The following USP6NL variants were observed in gnomAD, a reference collection of about 807,000 sequenced individuals.
USP6NL encodes USP6 N-terminal like.
Under a neutral mutation model 61.9 loss-of-function variants are expected in USP6NL, and 26 were observed. The ratio of observed to expected loss-of-function variants is 0.42; its 90% CI spans 0.31 to 0.58. The LOEUF (loss-of-function observed/expected upper bound fraction) is 0.58. USP6NL is among the 20% of genes least tolerant of loss of function. The probability of loss-of-function intolerance (pLI) is 0.16; values close to 1 mark genes in which losing one functional copy is unlikely to be tolerated. For missense variants in USP6NL, 1,114 were observed against 1,034.3 expected, an observed-to-expected ratio of 1.08 and a Z score of -1.06; for synonymous variants, 432 against 390.1, an observed-to-expected ratio of 1.11 and a Z score of -1.27.
Position 11,483,658 on chromosome 10 carries a change from G to C in USP6NL, c.925+1313C>G, listed in dbSNP as rs1258545886. Reference sequence around the variant, plus strand: ...GAGAGGGGGAGGGGGAGAGGGGGGAGAGGGGTAGGGAGGGAGGGAGAGAGG... The same window carrying C: ...GAGAGGGGGAGGGGGAGAGGGGGGACAGGGGTAGGGAGGGAGGGAGAGAGG... On this transcript the variant is annotated intron_variant, in intron 13 of 14. Transcript: ENST00000609104. Among the ~76,000 whole-genome samples, 3 of 66,816 alleles carry C rather than the reference G, an allele frequency of 4.5e-5. No homozygotes were observed. The East Asian group carries it at 3.1e-3, about 68-fold the overall frequency. 43.8% of individuals were successfully genotyped at this position (66,816 alleles called of 152,430 possible).
At position 11,470,288 on chromosome 10, in the gene USP6NL, C is replaced by CGCTG. The variant is rs775768115; in HGVS notation, c.1079-6443_1079-6440dup. 2.3e-4 allele frequency among the ~76,000 whole-genome samples: 35 copies of CGCTG among 152,138 alleles called. No individual in the cohort carries two copies. The highest frequency in any genetic ancestry group is 4.7e-4 in the Non-Finnish European group (32 of 68,014). ...ACCTCATGGAGGGCCCGCGGGGACT[C>CGCTG]GCTGGCTTTTCACAGCCTCTGTAGG... On this transcript the variant is annotated intron_variant, in intron 14 of 14. Coordinates refer to ENST00000609104, the MANE Select transcript of USP6NL (RefSeq NM_014688.5). This position sits in a 1 kb window ranked among gnomAD's most constrained non-coding sequence, Gnocchi z 5.4.
At chr10:11,493,659 C>T (rs1054351597) in intron 7 of USP6NL, among the ~76,000 whole-genome samples, 2 of 152,224 alleles carry the variant, frequency 1.3e-5, no homozygotes, top group African/African-American at 4.8e-5. Flanking sequence ...CCACCTAATT[C>T]AATCCTAAGC....
intron 1 of USP6NL, among the ~76,000 whole-genome samples, chr10:11,607,201 C>A (rs780621904): frequency 6.6e-6 from 1 of 152,156 alleles, no homozygotes; most frequent in Admixed American, 6.5e-5. Context: ...TACATATATA[C>A]CTAACTTTTA....
At position 11,490,916 on chromosome 10, in the gene USP6NL, A is replaced by T. The variant is rs1833688150; in HGVS notation, c.495-36T>A. The T allele has an allele frequency of 6.7e-7, 1 of 1,486,734 alleles. No homozygotes were observed. The highest frequency in any genetic ancestry group is 2.5e-5 in the East Asian group (1 of 40,348). The allele number at this position is 1,486,734 out of a possible 1,614,324, so 92.1% of individuals were successfully genotyped here. On this transcript the variant is annotated intron_variant, in intron 8 of 14. Transcript: ENST00000609104. This position sits in a 1 kb window ranked among gnomAD's most constrained non-coding sequence, Gnocchi z 4.5. ...AAATTTACATTAAATACAATTTAGT[A>T]ATTTCACATATTTTAAAAATTACAA...
chr10:11,540,711 G>A lies in USP6NL; in HGVS notation c.5-13144C>T, dbSNP rs1486265801. Among the ~76,000 whole-genome samples the A allele has an allele frequency of 6.6e-6, 1 of 152,068 alleles. No individual in the cohort carries two copies. Among genetic ancestry groups the A allele is most frequent in the Admixed American group, 6.6e-5 (1 of 15,266 alleles). ...GGCAGTGGTAACGATCAACCCAATG[G>A]TAACATTTCTACCCTTTAAATAAAA... On this transcript the variant is annotated intron_variant, in intron 2 of 14. Coordinates refer to ENST00000609104, the MANE Select transcript of USP6NL (RefSeq NM_014688.5). This position sits in a 1 kb window ranked among gnomAD's most constrained non-coding sequence, Gnocchi z 5.0.
chr10:11,485,799 A>T lies in USP6NL; in HGVS notation c.759+18T>A. ...GGGGGTGGGTAGGTGGGTGTAAGTC[A>T]GTGGCACATCTACCTACCAAGTGTT... is the stretch of plus-strand genomic sequence containing the variant. On this transcript the variant is annotated intron_variant, in intron 11 of 14. Coordinates refer to ENST00000609104, the MANE Select transcript of USP6NL (RefSeq NM_014688.5). The surrounding 1 kb of genome is among the most constrained non-coding windows in gnomAD (Gnocchi z 4.8). 6.6e-7 allele frequency: 1 copy of T among 1,519,052 alleles called. No homozygotes were observed. Among genetic ancestry groups the T allele is most frequent in the Non-Finnish European group, 8.9e-7 (1 of 1,124,212 alleles). 94.1% of individuals were successfully genotyped at this position (1,519,052 alleles called of 1,614,324 possible).
At position 11,555,789 on chromosome 10, in the gene USP6NL, G is replaced by A. The variant is rs1836687251; in HGVS notation, c.5-28222C>T. The stretch of plus-strand genomic sequence containing the variant: ...CCAAGAAAAAGACAACCTTCAAATG[G>A]GCAGCAATAAGATCAACTGCAAATT... On this transcript the variant is annotated intron_variant, in intron 2 of 14. Coordinates refer to ENST00000609104, the MANE Select transcript of USP6NL (RefSeq NM_014688.5). Among the ~76,000 whole-genome samples, 4 of 151,904 alleles carry A rather than the reference G, an allele frequency of 2.6e-5. No individual in the cohort carries two copies. In the South Asian group the frequency reaches 8.3e-4, roughly 32 times the overall value.
At chr10:11,515,198 T>A (rs1834903701) in intron 5 of USP6NL, among the ~76,000 whole-genome samples, 1 of 152,212 alleles carries the variant, frequency 6.6e-6, no homozygotes, top group Non-Finnish European at 1.5e-5. Context: ...ATTTGTTGAA[T>A]CATCTACATA....
At position 11,513,238 on chromosome 10, in the gene USP6NL, T is replaced by C. The variant is rs564023059; in HGVS notation, c.196-3563A>G. 6.6e-6 allele frequency among the ~76,000 whole-genome samples: 1 copy of C among 152,338 alleles called. No individual in the cohort carries two copies. Among genetic ancestry groups the C allele is most frequent in the South Asian group, 2.1e-4 (1 of 4,830 alleles). On this transcript the variant is annotated intron_variant, in intron 5 of 14. Transcript: ENST00000609104. The surrounding 1 kb of genome is among the most constrained non-coding windows in gnomAD (Gnocchi z 4.7). Reference sequence around the variant, plus strand: ...GGGAAGTAGAATGAATATGAACAGATAGACTGAAACCAGAATGTTATTTCT... The same window carrying C: ...GGGAAGTAGAATGAATATGAACAGACAGACTGAAACCAGAATGTTATTTCT...
chr10:11,551,369 T>C (rs1333892706), intron 2 of USP6NL, among the ~76,000 whole-genome samples: 2 of 152,238 alleles, frequency 1.3e-5, no homozygotes, highest in Non-Finnish European at 2.9e-5. Context: ...ACTTCATTTA[T>C]ATGAAATGCT....
In USP6NL at chr10:11,461,214, A is replaced by G. The variant is rs1289551684; in HGVS notation, c.*1227T>C. 2 of 152,488 alleles carry G rather than the reference A, an allele frequency of 1.3e-5. No homozygotes were observed. The highest frequency in any genetic ancestry group is 2.9e-5 in the Non-Finnish European group (2 of 68,020). 9.4% of individuals were successfully genotyped at this position (152,488 alleles called of 1,614,324 possible). ...TTTGGTATCTGTAGTGTAACAGAAT[A>G]TTTTTTAAAGACATCACTAATTTTT... On this transcript the variant is annotated 3_prime_UTR_variant, in exon 15 of 15. Transcript: ENST00000609104.
rs947022242 is a variant in USP6NL at position 11,511,062 on chromosome 10, T to C, written c.196-1387A>G. 2.0e-5 allele frequency among the ~76,000 whole-genome samples: 3 copies of C among 152,252 alleles called. No individual in the cohort carries two copies. The highest frequency in any genetic ancestry group is 1.3e-4 in the Admixed American group (2 of 15,290). ...CCACCACTATTTTTAGACCTAAAAG[T>C]ACATAAAATTCCAAAGAAAATCCTG... is the stretch of plus-strand genomic sequence containing the variant. On this transcript the variant is annotated intron_variant, in intron 5 of 14. Coordinates refer to ENST00000609104, the MANE Select transcript of USP6NL (RefSeq NM_014688.5). The surrounding 1 kb of genome is among the most constrained non-coding windows in gnomAD (Gnocchi z 4.9).
In USP6NL at chr10:11,561,987, A is replaced by G. The variant is rs1364216022; in HGVS notation, c.5-34420T>C. ...GAATGCCAGATCTTTTTAAGCAAGG[A>G]TGTTCTGAGTAAAAAAAAGAAATTT... is the stretch of plus-strand genomic sequence containing the variant. On this transcript the variant is annotated intron_variant, in intron 2 of 14. Coordinates refer to ENST00000609104, the MANE Select transcript of USP6NL (RefSeq NM_014688.5). This position sits in a 1 kb window ranked among gnomAD's most constrained non-coding sequence, Gnocchi z 4.1. Among the ~76,000 whole-genome samples the G allele has an allele frequency of 6.6e-6, 1 of 152,138 alleles. No individual in the cohort carries two copies. Among genetic ancestry groups the G allele is most frequent in the East Asian group, 1.9e-4 (1 of 5,196 alleles).
intron 4 of USP6NL, among the ~76,000 whole-genome samples, chr10:11,523,838 T>C (rs1450658335): frequency 1.3e-5 from 2 of 152,172 alleles, no homozygotes; most frequent in Non-Finnish European, 2.9e-5. Flanking sequence ...CTTGGGAAGG[T>C]CAAAATCAGC....
At position 11,482,476 on chromosome 10, in the gene USP6NL, A is replaced by G. The variant is rs1429536195; in HGVS notation, c.926-554T>C. Among the ~76,000 whole-genome samples, 2 of 152,266 alleles carry G rather than the reference A, an allele frequency of 1.3e-5. No homozygotes were observed. Among genetic ancestry groups the G allele is most frequent in the Non-Finnish European group, 2.9e-5 (2 of 68,048 alleles). On this transcript the variant is annotated intron_variant, in intron 13 of 14. Coordinates refer to ENST00000609104, the MANE Select transcript of USP6NL (RefSeq NM_014688.5). The surrounding 1 kb of genome is among the most constrained non-coding windows in gnomAD (Gnocchi z 4.0). ...ATCTGCTCATTACATAATACCCTAC[A>G]TAATACACCTCATTACATAACACCC... is the stretch of plus-strand genomic sequence containing the variant.
chr10:11,467,499 A>G (rs1832522558), intron 14 of USP6NL, among the ~76,000 whole-genome samples: 1 of 152,226 alleles, frequency 6.6e-6, no homozygotes, highest in African/African-American at 2.4e-5. Flanking sequence ...TCAAAACTGC[A>G]TTCTTTTAGA....
In USP6NL at chr10:11,496,325, C is replaced by A. The variant is rs990896452; in HGVS notation, c.385-3097G>T. On this transcript the variant is annotated intron_variant, in intron 7 of 14. Coordinates refer to ENST00000609104, the MANE Select transcript of USP6NL (RefSeq NM_014688.5). This position sits in a 1 kb window ranked among gnomAD's most constrained non-coding sequence, Gnocchi z 5.4. ...GTTCCTGCAGTTGGCAATTACCAAG[C>A]CTTACGGAGATTCTGAGCTACTAAT... 6.6e-6 allele frequency among the ~76,000 whole-genome samples: 1 copy of A among 152,234 alleles called. No homozygotes were observed. Among genetic ancestry groups the A allele is most frequent in the African/African-American group, 2.4e-5 (1 of 41,444 alleles).
intron 14 of USP6NL, among the ~76,000 whole-genome samples, chr10:11,471,898 C>T (rs1413528221): frequency 6.6e-6 from 1 of 150,736 alleles, no homozygotes; most frequent in African/African-American, 2.5e-5. Flanking sequence ...ATGGGTGCAG[C>T]ACACCAACAT....
rs1164301113 is a variant in USP6NL at position 11,462,161 on chromosome 10, C to T, written c.*280G>A. 4 of 367,568 alleles carry T rather than the reference C, an allele frequency of 1.1e-5. No individual in the cohort carries two copies. The highest frequency in any genetic ancestry group is 4.3e-5 in the Admixed American group (1 of 23,334). The allele number at this position is 367,568 out of a possible 1,614,324, so 22.8% of individuals were successfully genotyped here. A position where few individuals can be genotyped will look rare whatever the true frequency, so the allele number is the denominator to read the frequency against. On this transcript the variant is annotated 3_prime_UTR_variant, in exon 15 of 15. Transcript: ENST00000609104. ...TTCAGGTTTTGGAGAAAAACATAAC[C>T]GGAACTGAGTAATAAATTACCACTG... is the stretch of plus-strand genomic sequence containing the variant.
Sources: gnomAD v4.1 joint callset for allele counts (sites outside exome capture counted in the v4.1 genomes callset) on GRCh38, gnomAD v4.1.1 for gene constraint, Gnocchi (gnomAD v3.1) non-coding constraint, MANE v1.5 for transcripts, NCBI Gene and HGNC (gene_info 2026-07-23, HGNC 2026-07-21) for gene names.